Variants in TRPS1 observed in about 807,000 individuals in gnomAD.
TRPS1 encodes zinc finger transcription factor Trps1.
In TRPS1, 6 loss-of-function variants were observed where a neutral mutation model predicts 101.2. That is an observed-to-expected ratio of 0.06 (90% CI 0.03 to 0.12). TRPS1 has a LOEUF of 0.12. TRPS1 is among the 10% of genes least tolerant of loss of function. TRPS1 has a pLI of 1.00. For synonymous variants in TRPS1, 578 were observed against 589.8 expected, an observed-to-expected ratio of 0.98 and a Z score of 0.29; for missense variants, 1,363 against 1,567.0, an observed-to-expected ratio of 0.87 and a Z score of 2.20.
At chr8:115,435,123 C>A (rs1813416938) in intron 5 of TRPS1, among the ~76,000 whole-genome samples, 1 of 152,112 alleles carries the variant, frequency 6.6e-6, no homozygotes, top group Admixed American at 6.6e-5. Flanking sequence ...ACTTATGTTT[C>A]TACTTCTAAA....
intron 3 of TRPS1, among the ~76,000 whole-genome samples, chr8:115,611,207 A>G (rs1344546707): frequency 1.3e-5 from 2 of 152,140 alleles, no homozygotes; most frequent in African/African-American, 4.8e-5. Flanking sequence ...CAAGTGGGTT[A>G]CAAAGCTAAG....
intron 5 of TRPS1, among the ~76,000 whole-genome samples, chr8:115,534,439 G>T (rs992869137): frequency 1.3e-5 from 2 of 151,830 alleles, no homozygotes; most frequent in African/African-American, 2.4e-5. Context: ...CCATCACACT[G>T]GAGATTGAAG....
In TRPS1 at chr8:115,619,499, G is replaced by A. The variant is rs1818339568; in HGVS notation, c.599C>T (p.Pro200Leu). 11 of 1,614,060 alleles carry A rather than the reference G, an allele frequency of 6.8e-6. No individual in the cohort carries two copies. The South Asian group carries it at 1.2e-4, about 18-fold the overall frequency. The change falls in exon 3 of 7, where the codon CCA becomes CTA. Residue 200 changes from proline (P) to leucine (L), a missense_variant. By Grantham distance (98) the Pro-to-Leu change is moderately conservative. Coordinates refer to ENST00000395715, the MANE Select transcript of TRPS1 (RefSeq NM_014112.5). The part of the protein sequence containing the change: ...LSPVSVASKN[P>L]QVPSDGGVRL... ...TACACCCCCATCTGAAGGCACTTGT[G>A]GGTTTTTTGAGGCCACTGAAACTGG... is the stretch of plus-strand genomic sequence containing the variant.
Position 115,625,406 on chromosome 8 carries a change from T to C in TRPS1, c.-121-1648A>G, listed in dbSNP as rs994721120. On this transcript the variant is annotated intron_variant, in intron 1 of 6. Transcript: ENST00000395715. ...GTGACTCTACAATAGTTCCGGTTAA[T>C]AGCACTTCAATTTTACCTTTAAAAA... is the stretch of plus-strand genomic sequence containing the variant. Among the ~76,000 whole-genome samples, 8 of 152,038 alleles carry C rather than the reference T, an allele frequency of 5.3e-5. No homozygotes were observed. In the South Asian group the frequency reaches 1.2e-3, roughly 24 times the overall value.
intron 5 of TRPS1, among the ~76,000 whole-genome samples, chr8:115,579,708 G>A (rs192015540): frequency 6.6e-6 from 1 of 152,010 alleles, no homozygotes; most frequent in African/African-American, 2.4e-5. Flanking sequence ...GGTTATTCAT[G>A]ATGTTACACA....
intron 5 of TRPS1, among the ~76,000 whole-genome samples, chr8:115,436,085 A>G (rs565823835): frequency 6.6e-6 from 1 of 151,926 alleles, no homozygotes; most frequent in Admixed American, 6.6e-5. Context: ...TGAGACTCAA[A>G]TAAGCCTTTA....
At chr8:115,582,466 G>C (rs958841615) in intron 5 of TRPS1, among the ~76,000 whole-genome samples, 2 of 152,136 alleles carry the variant, frequency 1.3e-5, no homozygotes, top group African/African-American at 4.8e-5. Context: ...TCATTGTACT[G>C]TCCTGGTATC....
chr8:115,556,804 A>T (rs1337923542), intron 5 of TRPS1, among the ~76,000 whole-genome samples: 1 of 152,168 alleles, frequency 6.6e-6, no homozygotes, highest in Admixed American at 6.5e-5. Flanking sequence ...GATGCTAAGT[A>T]TGCATGTATG....
chr8:115,489,108 C>G (rs1814959173), intron 5 of TRPS1, among the ~76,000 whole-genome samples: 1 of 152,096 alleles, frequency 6.6e-6, no homozygotes, highest in Non-Finnish European at 1.5e-5. Flanking sequence ...CATCCTGCCC[C>G]CATTCTTATG....
chr8:115,429,620 C>T (rs1813271304), intron 5 of TRPS1, among the ~76,000 whole-genome samples: 1 of 152,142 alleles, frequency 6.6e-6, no homozygotes, highest in African/African-American at 2.4e-5. Flanking sequence ...ACATTTTGTA[C>T]ATCGAGCAGA....
intron 4 of TRPS1, among the ~76,000 whole-genome samples, chr8:115,602,162 T>A (rs116217973): frequency 0.016 from 2,478 of 152,160 alleles, 58 homozygotes; most frequent in African/African-American, 0.057. Flanking sequence ...TGTGTGTGTG[T>A]GCGCACATAC....
At chr8:115,441,619 AGTTTAGGT>A (rs1449843416) in intron 5 of TRPS1, among the ~76,000 whole-genome samples, 1 of 152,170 alleles carries the variant, frequency 6.6e-6, no homozygotes, top group Admixed American at 6.5e-5. Context: ...AATCATGCTT[AGTTTAGGT>A]GTTCATTTTG....
At position 115,409,165 on chromosome 8, in the gene TRPS1, A is replaced by G. The variant is rs1379171606; in HGVS notation, c.*4858T>C. 6.8e-6 allele frequency: 1 copy of G among 147,090 alleles called. No individual in the cohort carries two copies. Among genetic ancestry groups the G allele is most frequent in the African/African-American group, 2.5e-5 (1 of 40,342 alleles). The allele number at this position is 147,090 out of a possible 1,614,324, so 9.1% of individuals were successfully genotyped here. On this transcript the variant is annotated 3_prime_UTR_variant, in exon 7 of 7. Transcript: ENST00000395715. Reference sequence around the variant, plus strand: ...CAAGTACTACATTACCATTATTATTATTAATAATATTATTAATACATATAT... The same window carrying G: ...CAAGTACTACATTACCATTATTATTGTTAATAATATTATTAATACATATAT...
chr8:115,561,948 C>A (rs1320510351), intron 5 of TRPS1, among the ~76,000 whole-genome samples: 1 of 151,894 alleles, frequency 6.6e-6, no homozygotes, highest in Admixed American at 6.6e-5. Flanking sequence ...AGATCATGAT[C>A]GACAAATCCA....
At chr8:115,484,445 A>G (rs1814829815) in intron 5 of TRPS1, among the ~76,000 whole-genome samples, 2 of 152,186 alleles carry the variant, frequency 1.3e-5, no homozygotes, top group Admixed American at 1.3e-4. Context: ...TAATAGCTAT[A>G]GTACTTAGAT....
chr8:115,467,181 C>T (rs775109860), intron 5 of TRPS1, among the ~76,000 whole-genome samples: 2 of 151,028 alleles, frequency 1.3e-5, no homozygotes, highest in Non-Finnish European at 3.0e-5. Context: ...GGGGAAATTG[C>T]GAACCAAAAA....
intron 1 of TRPS1, among the ~76,000 whole-genome samples, chr8:115,644,122 T>C (rs1272240882): frequency 1.3e-5 from 2 of 152,314 alleles, no homozygotes; most frequent in Non-Finnish European, 2.9e-5. Context: ...AGAGTAGATT[T>C]AGCATAATTA....
At chr8:115,658,677 T>C (rs1811729926) in intron 1 of TRPS1, among the ~76,000 whole-genome samples, 1 of 152,160 alleles carries the variant, frequency 6.6e-6, no homozygotes, top group African/African-American at 2.4e-5. Flanking sequence ...AATTATGTGC[T>C]AACAGTGATA....
Position 115,533,447 on chromosome 8 carries a change from T to TTGTTTTTTTG in TRPS1, c.2700+53553_2700+53554insCAAAAAAACA, listed in dbSNP as rs1285257421. ...CCCACATGTAATCTGTTTTTTTTTT[T>TTGTTTTTTTG]TTTTTTTTTTTTCCTGAAAAAAATC... On this transcript the variant is annotated intron_variant, in intron 5 of 6. Transcript: ENST00000395715. Among the ~76,000 whole-genome samples, 940 of 131,488 alleles carry TTGTTTTTTTG rather than the reference T, an allele frequency of 7.1e-3. 36 individuals are homozygous for TTGTTTTTTTG. Among genetic ancestry groups the TTGTTTTTTTG allele is most frequent in the African/African-American group, 0.027 (891 of 32,546 alleles). The allele number at this position is 131,488 out of a possible 152,430, so 86.3% of individuals were successfully genotyped here.
Sources: allele counts gnomAD v4.1 joint callset (sites outside exome capture counted in the v4.1 genomes callset), GRCh38; gene constraint gnomAD v4.1.1; transcripts MANE v1.5; gene names NCBI Gene and HGNC (gene_info 2026-07-23, HGNC 2026-07-21).